TBC1D31: variants seen among roughly 807,000 people sequenced by gnomAD.
TBC1D31 encodes the protein WD repeat domain 67.
In TBC1D31, 99 loss-of-function variants were observed where a neutral mutation model predicts 132.9. The ratio of observed to expected loss-of-function variants is 0.74; its 90% CI spans 0.63 to 0.88. TBC1D31 has a LOEUF of 0.88. Ranked by LOEUF, TBC1D31 falls within the 40% of genes least tolerant of loss-of-function variation. TBC1D31 has a pLI of 0.00. For missense variants in TBC1D31, 1,134 were observed against 1,256.6 expected (o/e 0.90, Z 1.48); for synonymous variants, 385 against 419.4 (o/e 0.92, Z 1.00).
chr8:123,138,630 C>T (rs1281170524), intron 17 of TBC1D31, among the ~76,000 whole-genome samples: 1 of 152,172 alleles, frequency 6.6e-6, no homozygotes, highest in African/African-American at 2.4e-5. Flanking sequence ...TTTCTGTGCC[C>T]ATGGATTTGC....
chr8:123,120,157 C>T lies in TBC1D31; in HGVS notation c.1539C>T (p.Leu513=), dbSNP rs750245436. ...PFVKLFQNNQ[L]ICFEVIATLI... ...TAAAATTATTCCAGAACAACCAACT[C>T]ATCTGTTTTGAAGTTATTGCTACTC... Residue 513 remains leucine, a synonymous_variant, in exon 11 of 22, where the codon CTC becomes CTT. Coordinates refer to ENST00000287380, the MANE Select transcript of TBC1D31 (RefSeq NM_145647.4). 228 of 1,609,472 alleles carry T rather than the reference C, an allele frequency of 1.4e-4. No individual in the cohort carries two copies. The highest frequency in any genetic ancestry group is 1.8e-4 in the Non-Finnish European group (209 of 1,177,440).
intron 7 of TBC1D31, chr8:123,103,400 G>C (rs1200233348): frequency 3.3e-5 from 5 of 151,164 alleles, no homozygotes; most frequent in Non-Finnish European, 5.9e-5. Flanking sequence ...TGAATAGTCA[G>C]TTTTACAGTA....
chr8:123,128,147 A>T (rs919418033), intron 13 of TBC1D31, 134 bp from the exon 14 acceptor site: 1 of 475,526 alleles, frequency 2.1e-6, no homozygotes, highest in African/African-American at 2.0e-5. Context: ...TTGAGTAAAG[A>T]AAAGCTTTAA....
chr8:123,145,659 C>T (rs993760821), intron 20 of TBC1D31, among the ~76,000 whole-genome samples: 2 of 149,862 alleles, frequency 1.3e-5, no homozygotes, highest in African/African-American at 4.9e-5. Context: ...CCACTGAACT[C>T]TAGCCTGGGC....
chr8:123,120,963 C>CTTT (rs71310658), intron 11 of TBC1D31, among the ~76,000 whole-genome samples: 90 of 135,852 alleles, frequency 6.6e-4, no homozygotes, highest in Admixed American at 7.5e-4. Flanking sequence ...ATTTTAACCT[C>CTTT]TTTTTTTTTT....
chr8:123,105,823 T>C (rs914603216), intron 8 of TBC1D31, among the ~76,000 whole-genome samples: 2 of 152,174 alleles, frequency 1.3e-5, no homozygotes, highest in African/African-American at 4.8e-5. Flanking sequence ...TACACATTAA[T>C]ATAGAGCTCA....
At chr8:123,134,237 A>C (rs751917238) in intron 17 of TBC1D31, 31 bp downstream of exon 17, 1 of 1,598,602 alleles carries the variant, frequency 6.3e-7, no homozygotes, top group Non-Finnish European at 8.6e-7. Flanking sequence ...ACATAAGAAA[A>C]GCAGGTTTTG....
At chr8:123,104,900 A>G (rs1817775866) in intron 7 of TBC1D31, among the ~76,000 whole-genome samples, 1 of 152,202 alleles carries the variant, frequency 6.6e-6, no homozygotes, top group Non-Finnish European at 1.5e-5. Context: ...AAAGAATATT[A>G]GGGTACTTCT....
At chr8:123,129,532 A>G (rs527687650) in intron 15 of TBC1D31, among the ~76,000 whole-genome samples, 1 of 152,366 alleles carries the variant, frequency 6.6e-6, no homozygotes, top group Admixed American at 6.5e-5. Context: ...ATAGAATGCT[A>G]GGTACATCAC....
chr8:123,086,378 G>C (rs1002085559), intron 4 of TBC1D31, among the ~76,000 whole-genome samples: 1 of 152,100 alleles, frequency 6.6e-6, no homozygotes, highest in African/African-American at 2.4e-5. Context: ...AGTGTTTATT[G>C]CTCCCCAAAC....
At chr8:123,077,035 C>G in intron 1 of TBC1D31, 76 bp from the exon 2 acceptor site, 1 of 1,379,016 alleles carries the variant, frequency 7.3e-7, no homozygotes, top group Non-Finnish European at 9.8e-7. Flanking sequence ...AGACGAAATG[C>G]TTTACTTGCC....
At chr8:123,083,478 G>A (rs1428302748) in intron 3 of TBC1D31, 6 of 151,084 alleles carry the variant, frequency 4.0e-5, no homozygotes, top group South Asian at 2.1e-4. Context: ...GGTTGGTCTC[G>A]AACTTCTAGG....
Position 123,135,329 on chromosome 8 carries a change from A to G in TBC1D31, c.2499+1123A>G, listed in dbSNP as rs574642387. Among the ~76,000 whole-genome samples, 3 of 152,320 alleles carry G rather than the reference A, an allele frequency of 2.0e-5. No homozygotes were observed. The East Asian group carries it at 5.8e-4, about 29-fold the overall frequency. On this transcript the variant is annotated intron_variant, in intron 17 of 21. Coordinates refer to ENST00000287380, the MANE Select transcript of TBC1D31 (RefSeq NM_145647.4). Reference sequence around the variant, plus strand: ...TATAAATTTTTATTATTTAGGAAAAATGTTTTGTTACTCATTTAGTGTTGA... The same window carrying G: ...TATAAATTTTTATTATTTAGGAAAAGTGTTTTGTTACTCATTTAGTGTTGA...
chr8:123,141,741 C>G (rs1821699894), intron 18 of TBC1D31, among the ~76,000 whole-genome samples: 1 of 150,514 alleles, frequency 6.6e-6, no homozygotes, highest in South Asian at 2.1e-4. Flanking sequence ...TCTTCAGAGT[C>G]TCCTCTTCAG....
Position 123,128,321 on chromosome 8 carries a change from T to C in TBC1D31, c.1925T>C (p.Val642Ala). Residue 642 changes from valine to alanine, a missense_variant, in exon 14 of 22, where the codon GTG becomes GCG. Physicochemically the swap from Val to Ala is moderately conservative, Grantham distance 64. Coordinates refer to ENST00000287380, the MANE Select transcript of TBC1D31 (RefSeq NM_145647.4). Reference sequence around the variant, plus strand: ...CGGAATAACCTGGATATAAATGTTGTGATTAGACAAGTTTATCATCTCATG... The same window carrying C: ...CGGAATAACCTGGATATAAATGTTGCGATTAGACAAGTTTATCATCTCATG... ...HHRNNLDINV[V>A]IRQVYHLMET... The C allele has an allele frequency of 1.2e-6, 2 of 1,612,872 alleles. No individual in the cohort carries two copies. Among genetic ancestry groups the C allele is most frequent in the Non-Finnish European group, 1.7e-6 (2 of 1,178,960 alleles).
chr8:123,096,886 T>C (rs548527227), intron 5 of TBC1D31, among the ~76,000 whole-genome samples: 1 of 152,356 alleles, frequency 6.6e-6, no homozygotes, highest in African/African-American at 2.4e-5. Context: ...CCACCAATTC[T>C]ATATAGCTGT....
chr8:123,133,196 A>T (rs1333791690), intron 16 of TBC1D31, among the ~76,000 whole-genome samples: 1 of 152,238 alleles, frequency 6.6e-6, no homozygotes, highest in Non-Finnish European at 1.5e-5. Flanking sequence ...TTGCTGTGGC[A>T]CATAGCTGTT....
At chr8:123,112,612 C>T (rs1818557643) in intron 10 of TBC1D31, among the ~76,000 whole-genome samples, 1 of 152,060 alleles carries the variant, frequency 6.6e-6, no homozygotes, top group Non-Finnish European at 1.5e-5. Context: ...ATTTATTTGG[C>T]CTGTCCCTTA....
At chr8:123,137,037 C>A (rs1821166041) in intron 17 of TBC1D31, among the ~76,000 whole-genome samples, 1 of 152,076 alleles carries the variant, frequency 6.6e-6, no homozygotes, top group African/African-American at 2.4e-5. Context: ...GAAATTATGT[C>A]CCAGAAAACC....
Sources: gnomAD v4.1 joint callset for allele counts (sites outside exome capture counted in the v4.1 genomes callset) on GRCh38, gnomAD v4.1.1 for gene constraint, MANE v1.5 for transcripts, NCBI Gene and HGNC (gene_info 2026-07-23, HGNC 2026-07-21) for gene names.